The following ERC2 variants were observed in gnomAD, a reference collection of about 807,000 sequenced individuals.
ERC2 encodes ERC protein 2.
Under a neutral mutation model 114.8 loss-of-function variants are expected in ERC2, and 42 were observed. The ratio of observed to expected loss-of-function variants is 0.37; its 90% CI spans 0.29 to 0.47. The LOEUF is 0.47. Among genes scored for constraint, ERC2 ranks in the 20% least tolerant of loss-of-function variants. The probability of loss-of-function intolerance (pLI) is 0.99; values close to 1 mark genes in which losing one functional copy is unlikely to be tolerated. For synonymous variants in ERC2, 454 were observed against 425.5 expected, an observed-to-expected ratio of 1.07 and a Z score of -0.82; for missense variants, 939 against 1,150.7, an observed-to-expected ratio of 0.82 and a Z score of 2.66.
At chr3:56,357,963 CA>C in intron 2 of ERC2, among the ~76,000 whole-genome samples, 1 of 151,640 alleles carries the variant, frequency 6.6e-6, no homozygotes, top group Non-Finnish European at 1.5e-5. Context: ...CCTTTTCCAC[CA>C]GACTCCTTCT....
At chr3:56,276,583 T>C (rs1177395952) in intron 3 of ERC2, among the ~76,000 whole-genome samples, 4 of 152,076 alleles carry the variant, frequency 2.6e-5, no homozygotes, top group African/African-American at 9.7e-5. Flanking sequence ...GTGTTAAGAA[T>C]CTTTAAATGC....
chr3:56,286,047 A>G (rs969928496), intron 3 of ERC2, among the ~76,000 whole-genome samples: 1 of 152,166 alleles, frequency 6.6e-6, no homozygotes, highest in Admixed American at 6.5e-5. Context: ...AGAGGTGCAG[A>G]CTTTCGTGAT....
At chr3:55,583,388 T>TTCCCTCCTTCCTTCCC (rs1282493156) in intron 17 of ERC2, among the ~76,000 whole-genome samples, 2 of 122,016 alleles carry the variant, frequency 1.6e-5, no homozygotes, top group East Asian at 4.1e-4. Flanking sequence ...CCTTCTTTCT[T>TTCCCTCCTTCCTTCCC]TCCTTCCTTC....
intron 3 of ERC2, among the ~76,000 whole-genome samples, chr3:56,255,563 C>T (rs2052460398): frequency 6.6e-6 from 1 of 152,172 alleles, no homozygotes; most frequent in African/African-American, 2.4e-5. Flanking sequence ...CTTCTCTGGG[C>T]TCCTCCTGAG....
At chr3:56,219,746 G>A (rs1204212444) in intron 3 of ERC2, among the ~76,000 whole-genome samples, 1 of 149,456 alleles carries the variant, frequency 6.7e-6, no homozygotes, top group Non-Finnish European at 1.5e-5. Flanking sequence ...ATGCTGCCTT[G>A]GAAACCAAGG....
In ERC2 at chr3:55,683,818, G is replaced by C. The variant is rs1261143775; in HGVS notation, c.*15C>G. 6.2e-7 allele frequency: 1 copy of C among 1,612,538 alleles called. No homozygotes were observed. Among genetic ancestry groups the C allele is most frequent in the Non-Finnish European group, 8.5e-7 (1 of 1,179,418 alleles). On this transcript the variant is annotated 3_prime_UTR_variant, in exon 17 of 18. Coordinates refer to ENST00000288221, the MANE Select transcript of ERC2 (RefSeq NM_015576.3). ...CCCCTCAAAACAAAACTGGAACTTT[G>C]GTTTACAGGCCCGGCTATGCCCATA...
chr3:55,930,287 G>GT (rs1044787726), intron 13 of ERC2, among the ~76,000 whole-genome samples: 5 of 152,118 alleles, frequency 3.3e-5, no homozygotes, highest in African/African-American at 1.2e-4. Flanking sequence ...GTCTCAGGTA[G>GT]TTTTTTACAG....
At chr3:56,427,723 A>T (rs997507369) in intron 2 of ERC2, among the ~76,000 whole-genome samples, 7 of 152,134 alleles carry the variant, frequency 4.6e-5, no homozygotes, top group African/African-American at 1.7e-4. Flanking sequence ...GCACTAGCCA[A>T]GGAGAGAGGC....
intron 2 of ERC2, among the ~76,000 whole-genome samples, chr3:56,409,928 T>C (rs1404306493): frequency 6.6e-6 from 1 of 152,178 alleles, no homozygotes; most frequent in Admixed American, 6.5e-5. Flanking sequence ...AGAATCACTA[T>C]CCCCATTTTT....
At chr3:56,233,561 T>C (rs2050761232) in intron 3 of ERC2, among the ~76,000 whole-genome samples, 1 of 151,954 alleles carries the variant, frequency 6.6e-6, no homozygotes, top group South Asian at 2.1e-4. Context: ...GGAGAATTGC[T>C]TGACCCCAGG....
At chr3:55,891,464 T>TTC (rs1553720750) in intron 13 of ERC2, among the ~76,000 whole-genome samples, 8 of 134,848 alleles carry the variant, frequency 5.9e-5, no homozygotes, top group Admixed American at 5.1e-4. Context: ...TTTTTTTTTT[T>TTC]TGAGCTGGAG....
intron 6 of ERC2, among the ~76,000 whole-genome samples, chr3:56,135,119 A>G (rs578219553): frequency 1.3e-5 from 2 of 151,958 alleles, no homozygotes; most frequent in South Asian, 2.1e-4. Context: ...CGTCCAGCTA[A>G]TTTTTGTATT....
At chr3:56,207,151 T>C (rs1029874707) in intron 3 of ERC2, among the ~76,000 whole-genome samples, 3 of 151,374 alleles carry the variant, frequency 2.0e-5, no homozygotes, top group African/African-American at 7.3e-5. Context: ...TATGATAATA[T>C]TATGATTTTA....
chr3:55,511,946 TC>T (rs2052099578), intron 17 of ERC2, among the ~76,000 whole-genome samples: 1 of 152,222 alleles, frequency 6.6e-6, no homozygotes, highest in Non-Finnish European at 1.5e-5. Flanking sequence ...AGGACTTTCT[TC>T]CCTGCTGATG....
At chr3:56,141,049 C>T (rs2080826762) in intron 5 of ERC2, among the ~76,000 whole-genome samples, 1 of 152,154 alleles carries the variant, frequency 6.6e-6, no homozygotes, top group African/African-American at 2.4e-5. Context: ...AAAATGTTTT[C>T]CAAAACAGTT....
intron 17 of ERC2, among the ~76,000 whole-genome samples, chr3:55,649,938 C>T (rs1267290361): frequency 2.0e-5 from 3 of 152,160 alleles, no homozygotes; most frequent in Non-Finnish European, 4.4e-5. Context: ...TGCAGGTGGG[C>T]CAGGAGGCAG....
chr3:56,187,424 G>A (rs1467804462), intron 3 of ERC2, among the ~76,000 whole-genome samples: 1 of 152,190 alleles, frequency 6.6e-6, no homozygotes, highest in African/African-American at 2.4e-5. Context: ...GAACCAGCAT[G>A]GAGTAAATAG....
chr3:55,699,550 G>A (rs918423955), intron 15 of ERC2, 38 bp from the exon 16 acceptor site: 2 of 1,570,576 alleles, frequency 1.3e-6, no homozygotes, highest in African/African-American at 1.4e-5. Context: ...TCCATCAGGA[G>A]CCAGAAGATC....
rs55662693 is a variant in ERC2, at chr3:55,807,037, C to A, written c.2565-72119G>T. ...AAGAGATACATGATGGCTAAAGAAG[C>A]TCCAAGAAGGATCATCTACCCTACA... On this transcript the variant is annotated intron_variant, in intron 14 of 17. Coordinates refer to ENST00000288221, the MANE Select transcript of ERC2 (RefSeq NM_015576.3). 6.3e-3 allele frequency among the ~76,000 whole-genome samples: 965 copies of A among 152,282 alleles called. 7 individuals carry two copies. Among genetic ancestry groups the A allele is most frequent in the African/African-American group, 0.022 (930 of 41,542 alleles).
Sources: allele counts gnomAD v4.1 joint callset (sites outside exome capture counted in the v4.1 genomes callset), GRCh38; gene constraint gnomAD v4.1.1; transcripts MANE v1.5; gene names NCBI Gene and HGNC (gene_info 2026-07-23, HGNC 2026-07-21).